Variants in WWOX observed in about 807,000 individuals in gnomAD.
The protein encoded by WWOX is WW domain containing oxidoreductase, also known as WW domain-containing oxidoreductase.
Under a neutral mutation model 46.2 loss-of-function variants are expected in WWOX, and 69 were observed. The observed-to-expected ratio is 1.49, with a 90% CI of 1.23 to 1.82. The LOEUF (loss-of-function observed/expected upper bound fraction) is 1.82. Among genes scored for constraint, WWOX ranks in the 40% most tolerant of loss-of-function variants. WWOX has a pLI of 0.00. For synonymous variants in WWOX, 359 were observed against 202.6 expected (o/e 1.77, Z -6.56); for missense variants, 919 against 542.6 (o/e 1.69, Z -6.89).
At chr16:78,530,418 A>G (rs937004492) in intron 8 of WWOX, among the ~76,000 whole-genome samples, 4 of 152,166 alleles carry the variant, frequency 2.6e-5, no homozygotes, top group African/African-American at 9.7e-5. Context: ...AAGATAAGCT[A>G]AAAAGAAGAC....
chr16:79,101,609 G>A (rs990693826), intron 8 of WWOX: 4 of 152,058 alleles, frequency 2.6e-5, no homozygotes, highest in Admixed American at 2.6e-4. Context: ...GCCAATGCAG[G>A]AAGTAGTCCT....
At chr16:79,194,724 T>A (rs937625928) in intron 8 of WWOX, among the ~76,000 whole-genome samples, 3 of 152,202 alleles carry the variant, frequency 2.0e-5, no homozygotes, top group African/African-American at 7.2e-5. Flanking sequence ...CTCCATCTGC[T>A]TTCCATCGTC....
At chr16:79,198,470 G>T (rs1469866446) in intron 8 of WWOX, among the ~76,000 whole-genome samples, 3 of 152,194 alleles carry the variant, frequency 2.0e-5, no homozygotes, top group African/African-American at 7.2e-5. Flanking sequence ...ATTTTCCCAT[G>T]GGCAATTAAA....
At chr16:79,075,719 CT>C (rs2048643417) in intron 8 of WWOX, among the ~76,000 whole-genome samples, 1 of 151,890 alleles carries the variant, frequency 6.6e-6, no homozygotes, top group African/African-American at 2.4e-5. Flanking sequence ...CACCTGGCTA[CT>C]TTTTGTATTT....
chr16:78,922,185 A>G (rs1186554754), intron 8 of WWOX, among the ~76,000 whole-genome samples: 2 of 152,032 alleles, frequency 1.3e-5, no homozygotes, highest in Admixed American at 1.3e-4. Context: ...AAGTCAACTG[A>G]TAACTGTGGT....
chr16:78,339,378 AAAAC>A lies in WWOX; in HGVS notation c.517-47479_517-47476del, dbSNP rs201891907. 3.1e-4 allele frequency among the ~76,000 whole-genome samples: 31 copies of A among 99,600 alleles called. 2 individuals carry two copies. The highest frequency in any genetic ancestry group is 1.5e-3 in the East Asian group (7 of 4,826). 65.3% of individuals were successfully genotyped at this position (99,600 alleles called of 152,430 possible). A position where few individuals can be genotyped will look rare whatever the true frequency, so the allele number is the denominator to read the frequency against. ...GTTCCTTTTATTAGAAAAAAAAAAA[AAAAC>A]AACTCCCCTGGAGCCTTTGTACCTT... On this transcript the variant is annotated intron_variant, in intron 5 of 8. Transcript: ENST00000566780.
At chr16:78,747,019 C>G (rs2049363523) in intron 8 of WWOX, among the ~76,000 whole-genome samples, 1 of 152,084 alleles carries the variant, frequency 6.6e-6, no homozygotes, top group Non-Finnish European at 1.5e-5. Context: ...CTGCCTGCCT[C>G]TCAGTTTATT....
chr16:78,384,926 G>C (rs1290283643), intron 5 of WWOX, among the ~76,000 whole-genome samples: 1 of 152,120 alleles, frequency 6.6e-6, no homozygotes, highest in Non-Finnish European at 1.5e-5. Flanking sequence ...ACAAGGTCAA[G>C]AGATTGAGAC....
Position 78,594,429 on chromosome 16 carries a change from G to GCCCCCCCCCCCCCCCCCCCCCCC in WWOX, c.1056+161693_1056+161694insCCCCCCCCCCCCCCCCCCCCCCC, listed in dbSNP as rs138806967. ...TCTTGACGAAGAAGACTGAGGAAAG[G>GCCCCCCCCCCCCCCCCCCCCCCC]CCCCCCCCCCCCCCCCGCCAAATTG... On this transcript the variant is annotated intron_variant, in intron 8 of 8. Transcript: ENST00000566780. Among the ~76,000 whole-genome samples, 5 of 32,380 alleles carry GCCCCCCCCCCCCCCCCCCCCCCC rather than the reference G, an allele frequency of 1.5e-4. 1 individual carries two copies. The highest frequency in any genetic ancestry group is 1.6e-4 in the Non-Finnish European group (3 of 19,080). 21.2% of individuals were successfully genotyped at this position (32,380 alleles called of 152,430 possible).
intron 5 of WWOX, among the ~76,000 whole-genome samples, chr16:78,264,025 C>CTTTTTTTTTTTTTTTTTTTTT (rs2079308728): frequency 4.4e-5 from 1 of 22,670 alleles, no homozygotes; most frequent in African/African-American, 3.2e-4. Flanking sequence ...TGTTTTTTTG[C>CTTTTTTTTTTTTTTTTTTTTT]TGTGGAGCGC....
At chr16:78,201,330 T>C (rs1055833461) in intron 5 of WWOX, among the ~76,000 whole-genome samples, 3 of 152,324 alleles carry the variant, frequency 2.0e-5, no homozygotes, top group South Asian at 4.1e-4. Flanking sequence ...TGAAAACTTA[T>C]TAAGCTTATG....
intron 5 of WWOX, among the ~76,000 whole-genome samples, chr16:78,309,823 C>G (rs542141809): frequency 5.3e-5 from 8 of 152,316 alleles, no homozygotes; most frequent in African/African-American, 7.2e-5. Context: ...AAGTCTAACT[C>G]TAATCCTGGC....
intron 8 of WWOX, among the ~76,000 whole-genome samples, chr16:78,801,620 T>C (rs2050892410): frequency 6.6e-6 from 1 of 152,202 alleles, no homozygotes; most frequent in African/African-American, 2.4e-5. Context: ...TCACCCCACA[T>C]TAACAATTTC....
At chr16:79,044,220 A>G (rs2048025412) in intron 8 of WWOX, among the ~76,000 whole-genome samples, 1 of 152,204 alleles carries the variant, frequency 6.6e-6, no homozygotes, top group African/African-American at 2.4e-5. Flanking sequence ...AACGCTCTTC[A>G]GGGAGAAGGA....
chr16:78,370,261 T>C (rs72796034), intron 5 of WWOX, among the ~76,000 whole-genome samples: 8,084 of 152,246 alleles, frequency 0.053, 283 homozygotes, highest in East Asian at 0.12. Context: ...TGCTTCAGTT[T>C]GCTCCTTAGC....
intron 8 of WWOX, among the ~76,000 whole-genome samples, chr16:79,009,545 G>T (rs1422365770): frequency 6.6e-6 from 1 of 151,938 alleles, no homozygotes; most frequent in Non-Finnish European, 1.5e-5. Context: ...TCGGCTCACA[G>T]TAACCTCTGC....
At chr16:78,156,443 C>T (rs2151727064) in intron 4 of WWOX, among the ~76,000 whole-genome samples, 1 of 152,224 alleles carries the variant, frequency 6.6e-6, no homozygotes, top group African/African-American at 2.4e-5. Context: ...AGGAAGAGGG[C>T]CATCGTGTTG....
intron 8 of WWOX, among the ~76,000 whole-genome samples, chr16:78,570,233 G>T (rs1411800904): frequency 1.3e-5 from 2 of 152,136 alleles, no homozygotes; most frequent in African/African-American, 4.8e-5. Flanking sequence ...CGGGTCTGGG[G>T]CCCAAGTGTT....
At chr16:78,498,841 C>G (rs1567607731) in intron 8 of WWOX, among the ~76,000 whole-genome samples, 1 of 148,102 alleles carries the variant, frequency 6.8e-6, no homozygotes, top group East Asian at 2.1e-4. Context: ...GCTAGGAATA[C>G]AGGCAGGAGC....
Sources: allele counts gnomAD v4.1 joint callset (sites outside exome capture counted in the v4.1 genomes callset), GRCh38; gene constraint gnomAD v4.1.1; transcripts MANE v1.5; gene names NCBI Gene and HGNC (gene_info 2026-07-23, HGNC 2026-07-21).